The following CCND2 variants were observed in gnomAD, a reference collection of about 807,000 sequenced individuals.
The protein encoded by CCND2 is G1/S-specific cyclin-D2.
CCND2 carries 6 observed loss-of-function variants against 30.2 expected under a neutral mutation model. That is an observed-to-expected ratio of 0.20 (90% CI 0.11 to 0.39). The LOEUF (loss-of-function observed/expected upper bound fraction) is 0.39, where lower values mean the gene tolerates loss of function less well. Ranked by LOEUF, CCND2 falls within the 10% of genes least tolerant of loss-of-function variation. The pLI, the probability that CCND2 is intolerant of heterozygous loss-of-function variation, is 1.00. For missense variants in CCND2, 235 were observed against 373.4 expected, an observed-to-expected ratio of 0.63 and a Z score of 3.06; for synonymous variants, 150 against 153.1, an observed-to-expected ratio of 0.98 and a Z score of 0.15.
In CCND2 at chr12:4,276,282, A is replaced by C; in HGVS notation, c.411+62A>C. ...TTCCCGCTTTCCCCTGGCCAACAAT[A>C]TGCCTTCTATCACCACTGCCAGAGC... On this transcript the variant is annotated intron_variant, in intron 2 of 4. Coordinates refer to ENST00000261254, the MANE Select transcript of CCND2 (RefSeq NM_001759.4). This position sits in a 1 kb window ranked among gnomAD's most constrained non-coding sequence, Gnocchi z 4.8. 6 of 1,402,486 alleles carry C rather than the reference A, an allele frequency of 4.3e-6. No individual in the cohort carries two copies. The highest frequency in any genetic ancestry group is 5.9e-6 in the Non-Finnish European group (6 of 1,009,208). The allele number at this position is 1,402,486 out of a possible 1,614,324, so 86.9% of individuals were successfully genotyped here. A position where few individuals can be genotyped will look rare whatever the true frequency, so the allele number is the denominator to read the frequency against.
Position 4,294,865 on chromosome 12 carries a change from A to T in CCND2, c.721-4995A>T, listed in dbSNP as rs115645527. ...CTAACTCCACTCTTCTCTCAGCTTGATCCTCTAATAGAAGCAACCTGGTTG... is the reference window on the plus strand; with the variant it reads ...CTAACTCCACTCTTCTCTCAGCTTGTTCCTCTAATAGAAGCAACCTGGTTG... On this transcript the variant is annotated intron_variant, in intron 4 of 4. Coordinates refer to ENST00000261254, the MANE Select transcript of CCND2 (RefSeq NM_001759.4). Among the ~76,000 whole-genome samples the T allele has an allele frequency of 4.7e-3, 722 of 152,268 alleles. 4 individuals carry two copies. Among genetic ancestry groups the T allele is most frequent in the African/African-American group, 0.017 (705 of 41,552 alleles).
intron 4 of CCND2, among the ~76,000 whole-genome samples, chr12:4,295,635 G>A (rs1197337055): frequency 1.3e-5 from 2 of 152,102 alleles, no homozygotes; most frequent in Non-Finnish European, 2.9e-5. Flanking sequence ...AAATCAGCTG[G>A]GGGTGATGGC....
intron 3 of CCND2, among the ~76,000 whole-genome samples, chr12:4,288,376 C>T (rs902876186): frequency 6.6e-6 from 1 of 152,014 alleles, no homozygotes; most frequent in Admixed American, 6.6e-5. Flanking sequence ...CTCCTTCTCA[C>T]ATCTGGAGCC....
At position 4,282,717 on chromosome 12, in the gene CCND2, C is replaced by T. The variant is rs943917166; in HGVS notation, c.571+3798C>T. 6.6e-6 allele frequency among the ~76,000 whole-genome samples: 1 copy of T among 152,204 alleles called. No homozygotes were observed. The highest frequency in any genetic ancestry group is 3.2e-3 in the Middle Eastern group (1 of 316). ...TAAGATGAATGGGTAGCAGGCTGCT[C>T]ATCGCCCTCCAACCAGCCCCCTCCC... On this transcript the variant is annotated intron_variant, in intron 3 of 4. Coordinates refer to ENST00000261254, the MANE Select transcript of CCND2 (RefSeq NM_001759.4). The surrounding 1 kb of genome is among the most constrained non-coding windows in gnomAD (Gnocchi z 4.3).
intron 4 of CCND2, among the ~76,000 whole-genome samples, chr12:4,296,887 CAGTG>C (rs1757669130): frequency 6.6e-6 from 1 of 152,182 alleles, no homozygotes; most frequent in South Asian, 2.1e-4. Flanking sequence ...ACGTTTCACT[CAGTG>C]AGTGAGCACA....
chr12:4,292,460 C>T (rs371663767), intron 4 of CCND2, among the ~76,000 whole-genome samples: 8 of 151,978 alleles, frequency 5.3e-5, no homozygotes, highest in African/African-American at 1.9e-4. Flanking sequence ...TGTCGGGGAT[C>T]GAGCTGTGGA....
chr12:4,281,964 C>CG (rs1863953978), intron 3 of CCND2, among the ~76,000 whole-genome samples: 1 of 46,328 alleles, frequency 2.2e-5, no homozygotes, highest in Non-Finnish European at 4.7e-5. Context: ...GTGGGTTGGG[C>CG]GGGGGATCTT....
Position 4,276,137 on chromosome 12 carries a change from TC to T in CCND2, c.330del (p.Lys111AsnfsTer8). 6.2e-7 allele frequency: 1 copy of T among 1,614,184 alleles called. No homozygotes were observed. The highest frequency in any genetic ancestry group is 8.5e-7 in the Non-Finnish European group (1 of 1,180,034). Reference sequence around the variant, plus strand: ...GGGTGCTGTCTGCATGTTCCTGGCCTCCAAACTCAAAGAGACCAGCCCGCTG... The same window carrying T: ...GGGTGCTGTCTGCATGTTCCTGGCCTCAAACTCAAAGAGACCAGCCCGCTG... The part of the protein sequence containing the change: ...LLGAVCMFLA[S>X]KLKETSPLTA... On this transcript the variant is annotated frameshift_variant, in exon 2 of 5. Transcript: ENST00000261254. LOFTEE classifies it high-confidence loss of function. The surrounding 1 kb of genome is among the most constrained non-coding windows in gnomAD (Gnocchi z 4.8).
intron 3 of CCND2, among the ~76,000 whole-genome samples, chr12:4,279,797 T>C (rs933192148): frequency 6.7e-6 from 1 of 150,362 alleles, no homozygotes; most frequent in Non-Finnish European, 1.5e-5. Context: ...ATGTCAGGAG[T>C]TCATGTTTTG....
intron 3 of CCND2, 108 bp from the exon 4 acceptor site, chr12:4,288,734 T>G (rs1864056878): frequency 9.3e-7 from 1 of 1,073,544 alleles, no homozygotes; most frequent in Non-Finnish European, 1.4e-6. Context: ...ACGGGGTCAC[T>G]CGCGCCGCTG....
At chr12:4,290,643 G>A (rs1460442291) in intron 4 of CCND2, among the ~76,000 whole-genome samples, 1 of 146,712 alleles carries the variant, frequency 6.8e-6, no homozygotes, top group African/African-American at 2.6e-5. Flanking sequence ...GACCTGCTCT[G>A]ATGGGCTGAC....
Position 4,304,890 on chromosome 12 carries a change from T to C in CCND2, c.*4881T>C, listed in dbSNP as rs1292658705. The C allele has an allele frequency of 4.3e-6, 1 of 233,608 alleles. No individual in the cohort carries two copies. Among genetic ancestry groups the C allele is most frequent in the Non-Finnish European group, 8.5e-6 (1 of 118,052 alleles). The allele number at this position is 233,608 out of a possible 1,614,324, so 14.5% of individuals were successfully genotyped here. ...CAGCAAATCATCGGGCCATTGGATT[T>C]TTTCCATTATGTTCATCACCCTTAT... On this transcript the variant is annotated 3_prime_UTR_variant, in exon 5 of 5. Transcript: ENST00000261254. The surrounding 1 kb of genome is among the most constrained non-coding windows in gnomAD (Gnocchi z 6.2).
intron 1 of CCND2, chr12:4,275,261 C>T (rs2120518877): frequency 6.6e-6 from 1 of 152,324 alleles, no homozygotes; most frequent in Middle Eastern, 3.4e-3. Flanking sequence ...AAGTTTCCTC[C>T]CGGGATCCAA....
Position 4,274,513 on chromosome 12 carries a change from C to T in CCND2, c.195+278C>T, listed in dbSNP as rs911778496. Among the ~76,000 whole-genome samples, 1 of 152,238 alleles carries T rather than the reference C, an allele frequency of 6.6e-6. No homozygotes were observed. Among genetic ancestry groups the T allele is most frequent in the Non-Finnish European group, 1.5e-5 (1 of 68,050 alleles). On this transcript the variant is annotated intron_variant, in intron 1 of 4. Coordinates refer to ENST00000261254, the MANE Select transcript of CCND2 (RefSeq NM_001759.4). This position sits in a 1 kb window ranked among gnomAD's most constrained non-coding sequence, Gnocchi z 7.7. Reference sequence around the variant, plus strand: ...GCGCGCGTGTTCCTGCATGTGGCTGCCTCTTCTTCCCACCCCCCTCGCGAC... The same window carrying T: ...GCGCGCGTGTTCCTGCATGTGGCTGTCTCTTCTTCCCACCCCCCTCGCGAC...
chr12:4,274,134 A>G lies in CCND2; in HGVS notation c.94A>G (p.Thr32Ala), dbSNP rs772187536. 14 of 1,613,932 alleles carry G rather than the reference A, an allele frequency of 8.7e-6. No individual in the cohort carries two copies. Among genetic ancestry groups the G allele is most frequent in the Non-Finnish European group, 1.1e-5 (13 of 1,179,970 alleles). Residue 32 changes from threonine to alanine, a missense_variant, in exon 1 of 5, where the codon ACC becomes GCC. Coordinates refer to ENST00000261254, the MANE Select transcript of CCND2 (RefSeq NM_001759.4). This position sits in a 1 kb window ranked among gnomAD's most constrained non-coding sequence, Gnocchi z 7.7. The part of the protein sequence containing the change: ...RDDRVLQNLL[T>A]IEERYLPQCS... ...CGACCGCGTCCTGCAGAACCTGCTC[A>G]CCATCGAGGAGCGCTACCTTCCGCA...
At chr12:4,291,403 C>A (rs3217871) in intron 4 of CCND2, among the ~76,000 whole-genome samples, 137,849 of 152,084 alleles carry the variant, frequency 0.91, 63,036 homozygotes, top group Non-Finnish European at 0.97. Context: ...TCACGAGTCA[C>A]GAAGTGGTGT....
rs1192286056 is a variant in CCND2 at position 4,285,650 on chromosome 12, T to C, written c.572-3192T>C. Among the ~76,000 whole-genome samples, 1 of 152,218 alleles carries C rather than the reference T, an allele frequency of 6.6e-6. No homozygotes were observed. The highest frequency in any genetic ancestry group is 2.4e-5 in the African/African-American group (1 of 41,448). Reference sequence around the variant, plus strand: ...TTCTTCTGAGTGGATATTGTGACCATTTCTCCATCCTGTCATAGCGACAAA... The same window carrying C: ...TTCTTCTGAGTGGATATTGTGACCACTTCTCCATCCTGTCATAGCGACAAA... On this transcript the variant is annotated intron_variant, in intron 3 of 4. Coordinates refer to ENST00000261254, the MANE Select transcript of CCND2 (RefSeq NM_001759.4). This position sits in a 1 kb window ranked among gnomAD's most constrained non-coding sequence, Gnocchi z 4.1.
intron 1 of CCND2, among the ~76,000 whole-genome samples, 188 bp from the exon 2 acceptor site, chr12:4,275,816 AT>A (rs1389406898): frequency 6.6e-6 from 1 of 151,932 alleles, no homozygotes. Context: ...CTGATGGGCT[AT>A]TCTGATTCAC....
At chr12:4,292,958 G>T (rs1161155556) in intron 4 of CCND2, among the ~76,000 whole-genome samples, 2 of 152,162 alleles carry the variant, frequency 1.3e-5, no homozygotes, top group Non-Finnish European at 2.9e-5. Context: ...TCTTGAATAA[G>T]GCCCAGCTTT....
Sources: allele counts gnomAD v4.1 joint callset (sites outside exome capture counted in the v4.1 genomes callset), GRCh38; gene constraint gnomAD v4.1.1; non-coding constraint Gnocchi (gnomAD v3.1); transcripts MANE v1.5; gene names NCBI Gene and HGNC (gene_info 2026-07-23, HGNC 2026-07-21).